BAZ2B: variants seen among roughly 807,000 people sequenced by gnomAD.
BAZ2B encodes the protein bromodomain adjacent to zinc finger domain 2B.
A neutral mutation model predicts 246.0 loss-of-function variants in BAZ2B; 91 were observed. The observed-to-expected ratio is 0.37, with a 90% CI of 0.31 to 0.44. BAZ2B has a LOEUF of 0.44. Ranked by LOEUF, BAZ2B falls within the 20% of genes least tolerant of loss-of-function variation. The pLI is 1.00. For missense variants in BAZ2B, 2,332 were observed against 2,533.7 expected (o/e 0.92, Z 1.71); for synonymous variants, 855 against 860.0 (o/e 0.99, Z 0.10).
intron 2 of BAZ2B, among the ~76,000 whole-genome samples, chr2:159,523,425 G>A (rs1241295862): frequency 2.0e-5 from 3 of 151,182 alleles, no homozygotes; most frequent in Non-Finnish European, 4.4e-5. Context: ...AAGAAACAAG[G>A]CTGGGCGCAG....
At chr2:159,701,751 C>G in the BAZ2B span, among the ~76,000 whole-genome samples, 1 of 149,280 alleles carries the variant, frequency 6.7e-6, no homozygotes, top group African/African-American at 2.5e-5. Flanking sequence ...TATTTTGAAA[C>G]AGAGTCTCAC....
intron 3 of BAZ2B, among the ~76,000 whole-genome samples, chr2:159,455,763 G>GTTTTTT (rs60866580): frequency 2.0e-4 from 13 of 64,618 alleles, no homozygotes; most frequent in Non-Finnish European, 3.2e-4. Flanking sequence ...AAATATTGTG[G>GTTTTTT]TTTTTTTTTT....
chr2:159,499,677 A>G (rs1242002142), intron 2 of BAZ2B, among the ~76,000 whole-genome samples: 2 of 152,122 alleles, frequency 1.3e-5, no homozygotes, highest in African/African-American at 2.4e-5. Context: ...CAACCTCACC[A>G]GCATCTGTTG....
chr2:159,588,759 T>C (rs1688635395), intron 1 of BAZ2B, among the ~76,000 whole-genome samples: 1 of 152,222 alleles, frequency 6.6e-6, no homozygotes, highest in African/African-American at 2.4e-5. Flanking sequence ...TTTGTGGCTC[T>C]TTTTGACTTT....
the BAZ2B span, among the ~76,000 whole-genome samples, chr2:159,685,331 T>A: frequency 6.6e-6 from 1 of 152,202 alleles, no homozygotes; most frequent in Admixed American, 6.5e-5. Context: ...ATTTGGTAAC[T>A]GAAGCTTAAC....
Position 159,543,668 on chromosome 2 carries a change from T to C in BAZ2B, c.-3+12155A>G, listed in dbSNP as rs565102074. ...CTCCTGCCTTAGCCTCCTGAGTAGC[T>C]GCAACTACAGGCACACGCCACCACA... On this transcript the variant is annotated intron_variant, in intron 2 of 36. Coordinates refer to ENST00000392783, the MANE Select transcript of BAZ2B (RefSeq NM_013450.4). Among the ~76,000 whole-genome samples the C allele has an allele frequency of 2.0e-5, 3 of 152,152 alleles. No individual in the cohort carries two copies. The East Asian group carries it at 5.8e-4, about 29-fold the overall frequency.
chr2:159,619,405 G>A (rs562962301), upstream of BAZ2B, among the ~76,000 whole-genome samples: 5 of 151,510 alleles, frequency 3.3e-5, no homozygotes, highest in African/African-American at 4.8e-5. Context: ...TGAAGGGCTC[G>A]TTATATACTT....
At chr2:159,406,845 C>T (rs1576644041) in intron 14 of BAZ2B, among the ~76,000 whole-genome samples, 1 of 151,952 alleles carries the variant, frequency 6.6e-6, no homozygotes, top group Non-Finnish European at 1.5e-5. Context: ...AGCTCCACCT[C>T]CCAGGTTTAC....
the BAZ2B span, among the ~76,000 whole-genome samples, chr2:159,674,116 G>A: frequency 6.6e-6 from 1 of 152,060 alleles, no homozygotes; most frequent in Non-Finnish European, 1.5e-5. Flanking sequence ...GGCTGAGGTG[G>A]GCAGATTGCT....
chr2:159,655,953 T>C, the BAZ2B span, among the ~76,000 whole-genome samples: 1 of 152,290 alleles, frequency 6.6e-6, no homozygotes, highest in South Asian at 2.1e-4. Flanking sequence ...ATCTAACATC[T>C]GGGCCCACTC....
chr2:159,680,703 G>A, the BAZ2B span, among the ~76,000 whole-genome samples: 1 of 152,208 alleles, frequency 6.6e-6, no homozygotes, highest in Non-Finnish European at 1.5e-5. Flanking sequence ...GGTAGCTGCA[G>A]GACAGGAATA....
intron 1 of BAZ2B, among the ~76,000 whole-genome samples, chr2:159,556,887 C>T (rs1459685704): frequency 6.6e-6 from 1 of 152,068 alleles, no homozygotes; most frequent in Non-Finnish European, 1.5e-5. Context: ...TTTATCAGGT[C>T]CTCATAACGA....
In BAZ2B at chr2:159,472,905, T is replaced by G. The variant is rs146135258; in HGVS notation, c.145+5670A>C. On this transcript the variant is annotated intron_variant, in intron 3 of 36. Coordinates refer to ENST00000392783, the MANE Select transcript of BAZ2B (RefSeq NM_013450.4). Reference sequence around the variant, plus strand: ...GATTTGTCAGTATTTTATTGAGGATTTTTGCATCAATGTTCATTAGGGATA... The same window carrying G: ...GATTTGTCAGTATTTTATTGAGGATGTTTGCATCAATGTTCATTAGGGATA... 4.3e-3 allele frequency among the ~76,000 whole-genome samples: 648 copies of G among 152,340 alleles called. 1 individual carries two copies. The highest frequency in any genetic ancestry group is 0.014 in the African/African-American group (601 of 41,572).
chr2:159,698,644 T>C, the BAZ2B span, among the ~76,000 whole-genome samples: 1 of 152,076 alleles, frequency 6.6e-6, no homozygotes, highest in Non-Finnish European at 1.5e-5. Context: ...TAATATGGAC[T>C]ACTGCTACTT....
At chr2:159,699,200 T>C in the BAZ2B span, among the ~76,000 whole-genome samples, 1 of 152,176 alleles carries the variant, frequency 6.6e-6, no homozygotes, top group African/African-American at 2.4e-5. Flanking sequence ...TTTTGGATTG[T>C]ATAGAAAATC....
At chr2:159,402,868 G>A (rs1260553480) in intron 16 of BAZ2B, among the ~76,000 whole-genome samples, 2 of 152,142 alleles carry the variant, frequency 1.3e-5, no homozygotes, top group African/African-American at 4.8e-5. Context: ...CTCAGCCACT[G>A]AGCCGGTCAC....
rs573924390 is a variant in BAZ2B, at chr2:159,530,726, T to C, written c.-3+25097A>G. Among the ~76,000 whole-genome samples the C allele has an allele frequency of 4.3e-4, 66 of 152,256 alleles. No individual in the cohort carries two copies. The South Asian group carries it at 0.013, about 29-fold the overall frequency. Reference sequence around the variant, plus strand: ...TGGCTCACACCTTAATCCTAGCACTTTGGGAGGCCAAGGTTGGTGGATCAC... The same window carrying C: ...TGGCTCACACCTTAATCCTAGCACTCTGGGAGGCCAAGGTTGGTGGATCAC... On this transcript the variant is annotated intron_variant, in intron 2 of 36. Coordinates refer to ENST00000392783, the MANE Select transcript of BAZ2B (RefSeq NM_013450.4).
At chr2:159,432,129 A>G (rs1272219332) in intron 9 of BAZ2B, among the ~76,000 whole-genome samples, 1 of 152,202 alleles carries the variant, frequency 6.6e-6, no homozygotes, top group Non-Finnish European at 1.5e-5. Context: ...TAACAAATCC[A>G]CAAACATTTA....
In BAZ2B at chr2:159,349,903, A is replaced by G. The variant is rs2058373284; in HGVS notation, c.4668T>C (p.Asn1556=). ...GTGGCAAAAGACTAAACCATTGTCT[A>G]TTCTTTTCAGTCAGCGTTTTTAGTA... ...DQLLKTLTEK[N]RQWFSLLPRT... is the part of the protein sequence containing the mutation. Residue 1556 remains asparagine, a synonymous_variant, in exon 28 of 37, where the codon AAT becomes AAC. Transcript: ENST00000392783. The G allele has an allele frequency of 6.2e-7, 1 of 1,614,204 alleles. No homozygotes were observed. The highest frequency in any genetic ancestry group is 8.5e-7 in the Non-Finnish European group (1 of 1,180,014).
Sources: gnomAD v4.1 joint callset for allele counts (sites outside exome capture counted in the v4.1 genomes callset) on GRCh38, gnomAD v4.1.1 for gene constraint, MANE v1.5 for transcripts, NCBI Gene and HGNC (gene_info 2026-07-23, HGNC 2026-07-21) for gene names.